SLC24A2: variants seen among roughly 807,000 people sequenced by gnomAD.
The protein encoded by SLC24A2 is sodium/potassium/calcium exchanger 2.
Under a neutral mutation model 62.0 loss-of-function variants are expected in SLC24A2, and 36 were observed. That is an observed-to-expected ratio of 0.58 (90% CI 0.44 to 0.77). The LOEUF (loss-of-function observed/expected upper bound fraction) is 0.77. Among genes scored for constraint, SLC24A2 ranks in the 30% least tolerant of loss-of-function variants. SLC24A2 has a pLI of 0.00. For missense variants in SLC24A2, 846 were observed against 817.9 expected (o/e 1.03, Z -0.42); for synonymous variants, 358 against 294.0 (o/e 1.22, Z -2.23).
At chr9:19,566,208 T>A (rs1022377016) in intron 7 of SLC24A2, among the ~76,000 whole-genome samples, 2 of 149,526 alleles carry the variant, frequency 1.3e-5, no homozygotes, top group Non-Finnish European at 3.0e-5. Flanking sequence ...ATTTTTGCAA[T>A]CTACTCATCT....
chr9:20,223,811 A>C, the SLC24A2 span, among the ~76,000 whole-genome samples: 1 of 152,148 alleles, frequency 6.6e-6, no homozygotes, highest in Admixed American at 6.6e-5. Flanking sequence ...TACCTGTATT[A>C]GTCTGTTTTC....
At chr9:19,587,546 G>A (rs1422703041) in intron 5 of SLC24A2, among the ~76,000 whole-genome samples, 3 of 152,192 alleles carry the variant, frequency 2.0e-5, no homozygotes, top group Non-Finnish European at 4.4e-5. Context: ...TAAAGGCTTA[G>A]AGGCCTATGA....
the SLC24A2 span, among the ~76,000 whole-genome samples, chr9:20,150,867 C>T: frequency 1.3e-5 from 2 of 151,798 alleles, no homozygotes; most frequent in Admixed American, 6.6e-5. Flanking sequence ...AAGAGAAGAA[C>T]TGGAATAAAA....
intron 2 of SLC24A2, among the ~76,000 whole-genome samples, chr9:19,657,560 G>C (rs1215096875): frequency 1.3e-5 from 2 of 151,732 alleles, no homozygotes; most frequent in Non-Finnish European, 2.9e-5. Context: ...CCCTCCCTGT[G>C]TATTCTTTGA....
In SLC24A2 at chr9:19,669,138, C is replaced by A. The variant is rs367577946; in HGVS notation, c.931-46839G>T. 4.6e-5 allele frequency among the ~76,000 whole-genome samples: 7 copies of A among 152,276 alleles called. No individual in the cohort carries two copies. The East Asian group carries it at 9.6e-4, about 21-fold the overall frequency. On this transcript the variant is annotated intron_variant, in intron 2 of 10. Transcript: ENST00000341998. The stretch of plus-strand genomic sequence containing the variant: ...AGAAGAAGAGAATAAGAGGGAAAAG[C>A]ATATGTAATTTGGGTCTTCAGGTCT...
chr9:19,579,599 A>G (rs1836143158), intron 5 of SLC24A2, among the ~76,000 whole-genome samples: 1 of 152,212 alleles, frequency 6.6e-6, no homozygotes. Context: ...ATAGATGATC[A>G]ATATTTGCTA....
chr9:19,788,702 C>A, intron 1 of SLC24A2, 183 bp downstream of exon 1: 3 of 985,152 alleles, frequency 3.0e-6, no homozygotes, highest in Non-Finnish European at 3.6e-6. Flanking sequence ...GAGGCGGGGG[C>A]TCCAAATCCA....
chr9:20,301,712 C>A, the SLC24A2 span, among the ~76,000 whole-genome samples: 1 of 151,916 alleles, frequency 6.6e-6, no homozygotes, highest in Non-Finnish European at 1.5e-5. Context: ...CAGCGTGGTA[C>A]ATTTGTTACA....
chr9:20,119,148 C>G, the SLC24A2 span, among the ~76,000 whole-genome samples: 3 of 152,226 alleles, frequency 2.0e-5, no homozygotes, highest in East Asian at 5.8e-4. Flanking sequence ...GATAATTATA[C>G]TAATAACCTA....
the SLC24A2 span, among the ~76,000 whole-genome samples, chr9:20,043,115 T>C: frequency 1.3e-5 from 2 of 152,176 alleles, no homozygotes; most frequent in Non-Finnish European, 2.9e-5. Context: ...CCACAAATGA[T>C]TAAGCTTAGT....
the SLC24A2 span, among the ~76,000 whole-genome samples, chr9:20,282,963 A>C: frequency 6.0e-3 from 918 of 152,338 alleles, 14 homozygotes; most frequent in African/African-American, 0.021. Context: ...TCCAAGTATT[A>C]TCCTGAGTCA....
At chr9:20,019,253 G>GAGAAAGAAAGAGAA in the SLC24A2 span, among the ~76,000 whole-genome samples, 2 of 109,640 alleles carry the variant, frequency 1.8e-5, no homozygotes, top group Non-Finnish European at 3.8e-5. Context: ...AAGAAGGAAA[G>GAGAAAGAAAGAGAA]AGAAAGAAAG....
At chr9:19,592,888 C>T (rs1231785460) in intron 5 of SLC24A2, among the ~76,000 whole-genome samples, 4 of 152,180 alleles carry the variant, frequency 2.6e-5, no homozygotes, top group Non-Finnish European at 5.9e-5. Context: ...GTGACTGCTG[C>T]CTGTGTAGGG....
the SLC24A2 span, among the ~76,000 whole-genome samples, chr9:20,272,363 G>A: frequency 6.6e-6 from 1 of 152,058 alleles, no homozygotes; most frequent in Non-Finnish European, 1.5e-5. Context: ...CTCATAGTTC[G>A]ACCCGTCCCT....
At chr9:20,224,376 A>C in the SLC24A2 span, among the ~76,000 whole-genome samples, 1 of 152,054 alleles carries the variant, frequency 6.6e-6, no homozygotes, top group African/African-American at 2.4e-5. Flanking sequence ...AGAGAAATTC[A>C]ATTTACAACA....
chr9:20,238,340 G>A, the SLC24A2 span, among the ~76,000 whole-genome samples: 81 of 152,206 alleles, frequency 5.3e-4, no homozygotes, highest in African/African-American at 1.6e-3. Context: ...CAAAAACTCC[G>A]ACCTTCACAC....
chr9:20,095,878 G>A, the SLC24A2 span, among the ~76,000 whole-genome samples: 56 of 152,212 alleles, frequency 3.7e-4, no homozygotes, highest in South Asian at 8.3e-4. Context: ...ATTGAGAATC[G>A]AGCAAAAGGG....
the SLC24A2 span, among the ~76,000 whole-genome samples, chr9:20,163,539 G>T: frequency 6.6e-6 from 1 of 152,136 alleles, no homozygotes. Flanking sequence ...TCAATACCAT[G>T]AAAATGGTCA....
chr9:19,751,207 T>C (rs1821972581), intron 2 of SLC24A2, among the ~76,000 whole-genome samples: 1 of 152,172 alleles, frequency 6.6e-6, no homozygotes, highest in Non-Finnish European at 1.5e-5. Flanking sequence ...CACTATGTGC[T>C]GGACATTTTT....
Sources: allele counts gnomAD v4.1 joint callset (sites outside exome capture counted in the v4.1 genomes callset), GRCh38; gene constraint gnomAD v4.1.1; transcripts MANE v1.5; gene names NCBI Gene and HGNC (gene_info 2026-07-23, HGNC 2026-07-21).